PLEKHA1: variants seen among roughly 807,000 people sequenced by gnomAD.
PLEKHA1 encodes the protein pleckstrin homology domain containing A1.
PLEKHA1 carries 34 observed loss-of-function variants against 52.0 expected under a neutral mutation model. The observed-to-expected ratio is 0.65, with a 90% CI of 0.50 to 0.87. The LOEUF (loss-of-function observed/expected upper bound fraction) is 0.87. PLEKHA1 is among the 40% of genes least tolerant of loss of function. The pLI is 0.00. For synonymous variants in PLEKHA1, 163 were observed against 170.7 expected, an observed-to-expected ratio of 0.95 and a Z score of 0.35; for missense variants, 497 against 504.2, an observed-to-expected ratio of 0.99 and a Z score of 0.14.
In PLEKHA1 at chr10:122,431,132, T is replaced by G. The variant is rs2097412855; in HGVS notation, c.*1194T>G. The G allele has an allele frequency of 6.6e-6, 1 of 152,222 alleles. No homozygotes were observed. Among genetic ancestry groups the G allele is most frequent in the Non-Finnish European group, 1.5e-5 (1 of 68,040 alleles). The allele number at this position is 152,222 out of a possible 1,614,324, so 9.4% of individuals were successfully genotyped here. On this transcript the variant is annotated 3_prime_UTR_variant, in exon 12 of 12. Coordinates refer to ENST00000368990, the MANE Select transcript of PLEKHA1 (RefSeq NM_001001974.4). Reference sequence around the variant, plus strand: ...CCAGTTTGAGTAAGTACTGCTTTTTTTTTTTGGAGACGGGCTCTCGCTCTG... The same window carrying G: ...CCAGTTTGAGTAAGTACTGCTTTTTGTTTTTGGAGACGGGCTCTCGCTCTG...
intron 1 of PLEKHA1, among the ~76,000 whole-genome samples, chr10:122,391,646 C>A (rs1372305141): frequency 2.0e-5 from 3 of 151,832 alleles, no homozygotes; most frequent in African/African-American, 4.8e-5. Context: ...TTCCACTGAT[C>A]TATGTCTATT....
chr10:122,428,090 T>TATG (rs1357670792), intron 11 of PLEKHA1, among the ~76,000 whole-genome samples: 11 of 152,224 alleles, frequency 7.2e-5, no homozygotes, highest in African/African-American at 2.7e-4. Flanking sequence ...AGCAGTCAAG[T>TATG]ATGAGACTCT....
chr10:122,389,515 TGTG>T (rs2096746990), intron 1 of PLEKHA1, among the ~76,000 whole-genome samples: 1 of 152,088 alleles, frequency 6.6e-6, no homozygotes, highest in Non-Finnish European at 1.5e-5. Flanking sequence ...GCCCGGCCAA[TGTG>T]GTGAAACCCT....
chr10:122,410,037 C>T (rs1340918441), intron 5 of PLEKHA1, among the ~76,000 whole-genome samples: 1 of 152,140 alleles, frequency 6.6e-6, no homozygotes, highest in Non-Finnish European at 1.5e-5. Context: ...CCCAGCTTGG[C>T]CTCCCAAAGT....
At chr10:122,380,209 T>C (rs1252638565) in intron 1 of PLEKHA1, among the ~76,000 whole-genome samples, 3 of 152,216 alleles carry the variant, frequency 2.0e-5, no homozygotes, top group Non-Finnish European at 4.4e-5. Flanking sequence ...ATGCAGTAAT[T>C]ATGGGTTACT....
intron 7 of PLEKHA1, chr10:122,416,936 G>A (rs4612730): frequency 0.48 from 73,335 of 153,858 alleles, 18,122 homozygotes; most frequent in East Asian, 0.63. Context: ...TGAGGGCAGG[G>A]GTTTCTTACT....
downstream of PLEKHA1, chr10:122,432,991 G>C (rs1468600643): frequency 2.0e-5 from 3 of 152,086 alleles, no homozygotes; most frequent in Non-Finnish European, 4.4e-5. Flanking sequence ...TGAATTTCTG[G>C]AATATTCTTT....
rs2097418948 is a variant in PLEKHA1 at position 122,431,779 on chromosome 10, A to G, written c.*1841A>G. 6.6e-6 allele frequency: 1 copy of G among 152,502 alleles called. No individual in the cohort carries two copies. Among genetic ancestry groups the G allele is most frequent in the Non-Finnish European group, 1.5e-5 (1 of 68,022 alleles). The allele number at this position is 152,502 out of a possible 1,614,324, so 9.4% of individuals were successfully genotyped here. ...TTGCAGCTACATTTGAAAGTGATAGAATAAAGAGATTTTAATGAGTTATCA... is the reference window on the plus strand; with the variant it reads ...TTGCAGCTACATTTGAAAGTGATAGGATAAAGAGATTTTAATGAGTTATCA... On this transcript the variant is annotated 3_prime_UTR_variant, in exon 12 of 12. Coordinates refer to ENST00000368990, the MANE Select transcript of PLEKHA1 (RefSeq NM_001001974.4).
chr10:122,383,601 G>A (rs2096647544), intron 1 of PLEKHA1, among the ~76,000 whole-genome samples: 1 of 151,512 alleles, frequency 6.6e-6, no homozygotes, highest in African/African-American at 2.4e-5. Context: ...ACAATTGTGA[G>A]CCATCATGCC....
rs1344081195 is a variant in PLEKHA1 at position 122,430,941 on chromosome 10, ATGTGT to A, written c.*1005_*1009del. On this transcript the variant is annotated 3_prime_UTR_variant, in exon 12 of 12. Transcript: ENST00000368990. ...AATTAATTTTCAGTAGAATAGTTGAATGTGTTAAGATAGGATTTTATGTTAGAGAT... is the reference window on the plus strand; with the variant it reads ...AATTAATTTTCAGTAGAATAGTTGAATAAGATAGGATTTTATGTTAGAGAT... 3 of 152,644 alleles carry A rather than the reference ATGTGT, an allele frequency of 2.0e-5. No homozygotes were observed. The highest frequency in any genetic ancestry group is 7.2e-5 in the African/African-American group (3 of 41,466). 9.5% of individuals were successfully genotyped at this position (152,644 alleles called of 1,614,324 possible).
downstream of PLEKHA1, chr10:122,434,552 CA>C (rs1407036521): frequency 1.3e-5 from 2 of 148,812 alleles, no homozygotes; most frequent in African/African-American, 4.9e-5. Flanking sequence ...TTAACTGATG[CA>C]ACTTTTTTTC....
chr10:122,412,867 G>A, intron 5 of PLEKHA1, 53 bp from the exon 6 acceptor site: 13 of 1,588,704 alleles, frequency 8.2e-6, no homozygotes, highest in Non-Finnish European at 1.1e-5. Context: ...GAGAAAACAG[G>A]TTCACATGTA....
In PLEKHA1 at chr10:122,393,405, A is replaced by T; in HGVS notation, c.141+64A>T. 7.1e-7 allele frequency: 1 copy of T among 1,402,788 alleles called. No homozygotes were observed. The highest frequency in any genetic ancestry group is 9.3e-7 in the Non-Finnish European group (1 of 1,078,022). 86.9% of individuals were successfully genotyped at this position (1,402,788 alleles called of 1,614,324 possible). On this transcript the variant is annotated intron_variant, in intron 2 of 11. Transcript: ENST00000368990. This position sits in a 1 kb window ranked among gnomAD's most constrained non-coding sequence, Gnocchi z 4.5. ...AAAGTTGTATTTAAGTATTTAACAT[A>T]CTATACAGGCTTTAGATTTGTCTTC...
chr10:122,428,407 A>G, intron 11 of PLEKHA1: 1 of 1,484,260 alleles, frequency 6.7e-7, no homozygotes, highest in Non-Finnish European at 9.0e-7. Context: ...ACTACTTACA[A>G]CTGATCATAG....
rs1184778522 is a variant in PLEKHA1, at chr10:122,417,928, A to T, written c.641A>T (p.Gln214Leu). The change falls in exon 8 of 12, where the codon CAA becomes CTA. Residue 214 changes from glutamine to leucine, a missense_variant. By Grantham distance (113) the Gln-to-Leu change is moderately radical. Coordinates refer to ENST00000368990, the MANE Select transcript of PLEKHA1 (RefSeq NM_001001974.4). ...AAAAACTGGAAGAGAAGATATTTTC[A>T]ATTGGATGAAAACACAATAGGCTAC... ...VMKNWKRRYF[Q>L]LDENTIGYFK... 1 of 1,611,910 alleles carries T rather than the reference A, an allele frequency of 6.2e-7. No homozygotes were observed. Among genetic ancestry groups the T allele is most frequent in the South Asian group, 1.1e-5 (1 of 91,032 alleles).
At chr10:122,375,802 G>C (rs187102338) in intron 1 of PLEKHA1, among the ~76,000 whole-genome samples, 82 of 152,214 alleles carry the variant, frequency 5.4e-4, no homozygotes, top group African/African-American at 1.8e-3. Flanking sequence ...CGTTTTCCTC[G>C]TCTGTTTGTT....
chr10:122,427,916 ATTAG>A (rs1236293194), intron 11 of PLEKHA1, among the ~76,000 whole-genome samples: 1 of 152,160 alleles, frequency 6.6e-6, no homozygotes, highest in East Asian at 1.9e-4. Context: ...ACCGCCTTTT[ATTAG>A]TTTTCTGGTA....
rs1037940873 is a variant in PLEKHA1 at position 122,419,847 on chromosome 10, C to T, written c.681+1879C>T. Reference sequence around the variant, plus strand: ...CCTCTCAAATTTCACAGAATAATGCCCAGCATACAGGTTTTCAAAACTTAG... The same window carrying T: ...CCTCTCAAATTTCACAGAATAATGCTCAGCATACAGGTTTTCAAAACTTAG... On this transcript the variant is annotated intron_variant, in intron 8 of 11. Transcript: ENST00000368990. 3 of 152,128 alleles carry T rather than the reference C, an allele frequency of 2.0e-5. No homozygotes were observed. The South Asian group carries it at 6.2e-4, about 32-fold the overall frequency. 9.4% of individuals were successfully genotyped at this position (152,128 alleles called of 1,614,324 possible).
chr10:122,402,162 C>A (rs2096938488), intron 4 of PLEKHA1, among the ~76,000 whole-genome samples: 1 of 151,858 alleles, frequency 6.6e-6, no homozygotes, highest in Admixed American at 6.6e-5. Flanking sequence ...CTCAAACTTA[C>A]AGGAATAGTA....
Sources: allele counts gnomAD v4.1 joint callset (sites outside exome capture counted in the v4.1 genomes callset), GRCh38; gene constraint gnomAD v4.1.1; non-coding constraint Gnocchi (gnomAD v3.1); transcripts MANE v1.5; gene names NCBI Gene and HGNC (gene_info 2026-07-23, HGNC 2026-07-21).